Variants in ADGRG2 observed in about 807,000 individuals in gnomAD.
ADGRG2 encodes the protein adhesion G protein-coupled receptor G2.
ADGRG2 carries 26 observed loss-of-function variants against 74.1 expected under a neutral mutation model. The observed-to-expected ratio is 0.35, with a 90% confidence interval of 0.26 to 0.49. ADGRG2 has a LOEUF of 0.49. Ranked by LOEUF, ADGRG2 falls within the 20% of genes least tolerant of loss-of-function variation. ADGRG2 has a pLI of 0.99. For synonymous variants in ADGRG2, 296 were observed against 295.2 expected, an observed-to-expected ratio of 1.00 and a Z score of -0.03; for missense variants, 619 against 763.1, an observed-to-expected ratio of 0.81 and a Z score of 2.22.
chrX:19,115,051 CGA>C (rs2062486516), intron 1 of ADGRG2, among the ~76,000 whole-genome samples: 1 of 111,725 alleles, frequency 9.0e-6, no homozygotes, highest in South Asian at 3.7e-4. Flanking sequence ...ATTATTATTA[CGA>C]GAGTGTCAGA....
At position 19,007,965 on chromosome X, in the gene ADGRG2, G is replaced by A; in HGVS notation, c.1566+15C>T. 1.7e-6 allele frequency: 2 copies of A among 1,194,816 alleles called. No homozygotes were observed. The highest frequency in any genetic ancestry group is 1.1e-6 in the Non-Finnish European group (1 of 884,777). ...AAATAAAGCCCAAGCCAAAAGCAGT[G>A]AGCAGCAGTTTTACCTGAAACAAAG... On this transcript the variant is annotated intron_variant, in intron 19 of 28. Transcript: ENST00000379869.
chrX:19,016,177 G>A (rs1180238778), intron 15 of ADGRG2, among the ~76,000 whole-genome samples: 4 of 112,370 alleles, frequency 3.6e-5, no homozygotes, highest in Admixed American at 9.4e-5. Context: ...TCTTTACTGC[G>A]GTGTAGCCTG....
At chrX:19,111,396 T>C (rs1228185433) in intron 1 of ADGRG2, among the ~76,000 whole-genome samples, 1 of 110,283 alleles carries the variant, frequency 9.1e-6, no homozygotes, top group Non-Finnish European at 1.9e-5. Context: ...TCCCAGTGCC[T>C]TGGAGGGACA....
intron 20 of ADGRG2, 101 bp downstream of exon 20, chrX:19,007,134 G>C (rs773889458): frequency 1.2e-6 from 1 of 864,797 alleles, no homozygotes; most frequent in Admixed American, 2.3e-5. Flanking sequence ...TGAGCTGAAG[G>C]TTCTTTCTGC....
At position 19,009,740 on chromosome X, in the gene ADGRG2, A is replaced by G. The variant is rs1409148438; in HGVS notation, c.1308T>C (p.Phe436=). ...VVDDIGLQLN[F]SNTTISLTSP... ...AGGTTAGACTTATAGTCGTGTTTGA[A>G]AAGTTCAGCTGTAGGCCAATGTCAT... The change falls in exon 18 of 29, where the codon TTT becomes TTC. Residue 436 remains phenylalanine, a synonymous_variant. Transcript: ENST00000379869. 4 of 1,203,357 alleles carry G rather than the reference A, an allele frequency of 3.3e-6. No individual in the cohort carries two copies. Among genetic ancestry groups the G allele is most frequent in the Non-Finnish European group, 3.4e-6 (3 of 888,728 alleles).
At chrX:19,011,726 T>A (rs1432838292) in intron 16 of ADGRG2, among the ~76,000 whole-genome samples, 1 of 111,627 alleles carries the variant, frequency 9.0e-6, no homozygotes, top group Admixed American at 9.5e-5. Flanking sequence ...GTGCCTGTAG[T>A]CCCAGTTACT....
At chrX:19,107,056 C>A (rs747532666) in intron 1 of ADGRG2, among the ~76,000 whole-genome samples, 6 of 111,331 alleles carry the variant, frequency 5.4e-5, no homozygotes, top group African/African-American at 2.0e-4. Flanking sequence ...CAGTGGGCAA[C>A]GGGCAAATGC....
Position 19,111,128 on chromosome X carries a change from C to T in ADGRG2, c.-47+11314G>A, listed in dbSNP as rs569024136. ...GAAACTAGTAGGTGTGGAGCCTGAA[C>T]GATGGAGTGAATGGTGATGTCATGG... On this transcript the variant is annotated intron_variant, in intron 1 of 28. Transcript: ENST00000379869. 2.6e-4 allele frequency among the ~76,000 whole-genome samples: 29 copies of T among 111,417 alleles called. No individual in the cohort carries two copies. In the South Asian group the frequency reaches 0.011, roughly 41 times the overall value.
chrX:19,117,380 GA>G lies in ADGRG2; in HGVS notation c.-47+5061del, dbSNP rs200376190. ...TGTGAATGGTGGGCAAAAAAAGTTT[GA>G]ACACTAGAAAAAGCTACCTTGTTTA... On this transcript the variant is annotated intron_variant, in intron 1 of 28. Transcript: ENST00000379869. Among the ~76,000 whole-genome samples the G allele has an allele frequency of 4.8e-3, 530 of 110,947 alleles. 4 individuals are homozygous for G. Among genetic ancestry groups the G allele is most frequent in the African/African-American group, 0.016 (500 of 30,586 alleles).
intron 1 of ADGRG2, among the ~76,000 whole-genome samples, chrX:19,116,220 A>G (rs1156561294): frequency 9.3e-6 from 1 of 108,032 alleles, no homozygotes; most frequent in African/African-American, 3.4e-5. Context: ...GTCTCAAGAG[A>G]AAAAAAAAGT....
intron 2 of ADGRG2, among the ~76,000 whole-genome samples, chrX:19,076,785 A>G (rs1219836619): frequency 9.0e-6 from 1 of 111,333 alleles, no homozygotes; most frequent in Non-Finnish European, 1.9e-5. Flanking sequence ...AAACAAAACT[A>G]CTATATAAAA....
intron 3 of ADGRG2, among the ~76,000 whole-genome samples, chrX:19,068,515 T>A (rs2061601328): frequency 9.0e-6 from 1 of 111,578 alleles, no homozygotes; most frequent in Non-Finnish European, 1.9e-5. Flanking sequence ...TTTGGGATGA[T>A]GAAAACGTTT....
chrX:19,051,450 C>G (rs1048709869), intron 3 of ADGRG2, among the ~76,000 whole-genome samples: 1 of 111,742 alleles, frequency 8.9e-6, no homozygotes, highest in African/African-American at 3.3e-5. Context: ...AAGCTGAAAA[C>G]TCCTGGTGGC....
intron 26 of ADGRG2, among the ~76,000 whole-genome samples, chrX:18,998,152 C>T (rs940205560): frequency 3.6e-5 from 4 of 111,860 alleles, no homozygotes; most frequent in African/African-American, 1.3e-4. Context: ...CCCAGGGCAG[C>T]AACTTCTTGG....
chrX:19,065,404 C>G (rs915694865), intron 3 of ADGRG2, among the ~76,000 whole-genome samples: 2 of 110,722 alleles, frequency 1.8e-5, no homozygotes, highest in African/African-American at 6.6e-5. Context: ...ACTTGTCTGT[C>G]ACACTTTGGG....
chrX:18,994,934 A>G lies in ADGRG2; in HGVS notation c.2831T>C (p.Leu944Pro). The G allele has an allele frequency of 3.3e-6, 4 of 1,204,022 alleles. No homozygotes were observed. The highest frequency in any genetic ancestry group is 4.5e-6 in the Non-Finnish European group (4 of 888,786). ...SSNSTNSTTL[L>P]VNNDCSVHAS... The stretch of plus-strand genomic sequence containing the variant: ...GTGTACTGAGCAATCATTATTCACT[A>G]GCAGTGTGGTGGAGTTAGTGGAGTT... The change falls in exon 28 of 29, where the codon CTA (leucine) becomes CCA (proline). Residue 944 changes from leucine to proline, a missense_variant. Around this residue, in one of 3 missense-constraint regions of ADGRG2, gnomAD observed 106 missense variants for 104.5 expected, o/e 1.01. Coordinates refer to ENST00000379869, the MANE Select transcript of ADGRG2 (RefSeq NM_001079858.3).
intron 7 of ADGRG2, chrX:19,035,170 C>T (rs1440935531): frequency 8.9e-6 from 1 of 111,932 alleles, no homozygotes; most frequent in East Asian, 2.8e-4. Flanking sequence ...ACATTCTCAT[C>T]CACTGCGGAC....
At position 18,999,179 on chromosome X, in the gene ADGRG2, G is replaced by C; in HGVS notation, c.2431C>G (p.Gln811Glu). 1 of 1,209,885 alleles carries C rather than the reference G, an allele frequency of 8.3e-7. No homozygotes were observed. Among genetic ancestry groups the C allele is most frequent in the Non-Finnish European group, 1.1e-6 (1 of 893,971 alleles). ...TTCTTCTTTTTAATTCGACAGAGCTGAACCAGGACCACAATGAACATGCTG... is the reference window on the plus strand; with the variant it reads ...TTCTTCTTTTTAATTCGACAGAGCTCAACCAGGACCACAATGAACATGCTG... ...NVSMFIVVLV[Q>E]LCRIKKKKQL... The change falls in exon 26 of 29, where the codon CAG becomes GAG. Residue 811 changes from glutamine (Q) to glutamate (E), a missense_variant. Gln to Glu is a conservative substitution (Grantham distance 29, BLOSUM62 2). Around this residue, in one of 3 missense-constraint regions of ADGRG2, gnomAD observed 221 missense variants for 340.6 expected, o/e 0.65. Coordinates refer to ENST00000379869, the MANE Select transcript of ADGRG2 (RefSeq NM_001079858.3).
intron 2 of ADGRG2, among the ~76,000 whole-genome samples, chrX:19,076,507 G>A (rs2061750084): frequency 8.9e-6 from 1 of 112,114 alleles, no homozygotes; most frequent in South Asian, 3.7e-4. Flanking sequence ...GGTGGCTCAC[G>A]CCTGTAATCC....
Sources: gnomAD v4.1 joint callset for allele counts (sites outside exome capture counted in the v4.1 genomes callset) on GRCh38, gnomAD v4.1.1 for gene constraint, gnomAD v4.1.1 regional missense constraint, MANE v1.5 for transcripts, NCBI Gene and HGNC (gene_info 2026-07-23, HGNC 2026-07-21) for gene names.